The following PDE10A variants were observed in gnomAD, a reference collection of about 807,000 sequenced individuals.
PDE10A encodes the protein cAMP and cAMP-inhibited cGMP 3',5'-cyclic phosphodiesterase 10A.
Under a neutral mutation model 97.7 loss-of-function variants are expected in PDE10A, and 39 were observed. The ratio of observed to expected loss-of-function variants is 0.40; its 90% CI spans 0.31 to 0.52. PDE10A has a LOEUF of 0.52. Among genes scored for constraint, PDE10A ranks in the 20% least tolerant of loss-of-function variants. The pLI, the probability that PDE10A is intolerant of heterozygous loss-of-function variation, is 0.56. For missense variants in PDE10A, 731 were observed against 1,047.8 expected (o/e 0.70, Z 4.17); for synonymous variants, 371 against 376.8 (o/e 0.98, Z 0.18).
In PDE10A at chr6:165,543,552, T is replaced by G; in HGVS notation, c.882A>C (p.Lys294Asn). The G allele has an allele frequency of 6.2e-7, 1 of 1,609,812 alleles. No homozygotes were observed. The highest frequency in any genetic ancestry group is 8.5e-7 in the Non-Finnish European group (1 of 1,177,618). ...CFLSPSLTDE[K>N]VKAYLSLHPQ... ...GGTGAAGAGAAAGATATGCCTTCAC[T>G]TTTTCATCTGTCAAACCTGTAAAAG... The change falls in exon 2 of 22, where the codon AAA becomes AAC. Residue 294 changes from lysine (K) to asparagine (N), a missense_variant. Lys to Asn is a moderately conservative substitution (Grantham distance 94). Coordinates refer to ENST00000539869, the MANE Select transcript of PDE10A (RefSeq NM_001385079.1).
chr6:165,717,151 G>A (rs2128447525), intron 1 of PDE10A, among the ~76,000 whole-genome samples: 1 of 152,274 alleles, frequency 6.6e-6, no homozygotes, highest in East Asian at 1.9e-4. Context: ...ATTCATCCAT[G>A]TTGTAGCCTG....
intron 2 of PDE10A, among the ~76,000 whole-genome samples, chr6:165,488,994 T>C (rs1238535328): frequency 6.6e-6 from 1 of 152,080 alleles, no homozygotes; most frequent in Non-Finnish European, 1.5e-5. Flanking sequence ...CCTGCCCTGG[T>C]AACCAAAGAC....
chr6:165,943,060 C>CTGG (rs2128493040), intron 1 of PDE10A, among the ~76,000 whole-genome samples: 1 of 150,488 alleles, frequency 6.6e-6, no homozygotes, highest in South Asian at 2.1e-4. Context: ...TTGTATTAGT[C>CTGG]AGGGTGCTCC....
intron 1 of PDE10A, among the ~76,000 whole-genome samples, chr6:165,863,314 G>GAC (rs1304989042): frequency 6.6e-6 from 1 of 152,184 alleles, no homozygotes; most frequent in African/African-American, 2.4e-5. Context: ...CAAAGTAGAG[G>GAC]ACACTCCTCA....
chr6:165,845,486 A>G (rs1780389088), intron 1 of PDE10A, among the ~76,000 whole-genome samples: 1 of 152,232 alleles, frequency 6.6e-6, no homozygotes, highest in East Asian at 1.9e-4. Context: ...TCTCAGGGGA[A>G]AAGAAGGTAA....
intron 1 of PDE10A, among the ~76,000 whole-genome samples, chr6:165,909,647 G>A (rs1259531678): frequency 1.3e-5 from 2 of 152,138 alleles, no homozygotes; most frequent in Non-Finnish European, 2.9e-5. Flanking sequence ...CTCCCCGGGT[G>A]GTGCCAGGCC....
chr6:165,626,966 G>C (rs1432152990), intron 1 of PDE10A, among the ~76,000 whole-genome samples: 1 of 152,182 alleles, frequency 6.6e-6, no homozygotes, highest in Non-Finnish European at 1.5e-5. Flanking sequence ...TGGTGACCCA[G>C]ACTTGCCCCT....
At chr6:165,753,105 T>C (rs1030032211) in intron 1 of PDE10A, among the ~76,000 whole-genome samples, 1 of 152,232 alleles carries the variant, frequency 6.6e-6, no homozygotes, top group African/African-American at 2.4e-5. Context: ...AGTCCTGTTG[T>C]TAGCACGTGA....
intron 2 of PDE10A, among the ~76,000 whole-genome samples, chr6:165,496,748 G>A (rs1217933077): frequency 3.3e-5 from 5 of 152,082 alleles, no homozygotes; most frequent in Admixed American, 6.6e-5. Context: ...ATAATATTTT[G>A]CATACAGAAC....
intron 5 of PDE10A, among the ~76,000 whole-genome samples, chr6:165,440,995 T>A (rs1001776407): frequency 6.6e-6 from 1 of 152,132 alleles, no homozygotes; most frequent in African/African-American, 2.4e-5. Flanking sequence ...AAGCAAAAAT[T>A]CAGTCATGAA....
chr6:165,952,933 C>G (rs554540356), intron 1 of PDE10A, among the ~76,000 whole-genome samples: 1 of 151,906 alleles, frequency 6.6e-6, no homozygotes, highest in South Asian at 2.1e-4. Context: ...GAGTGTGAAA[C>G]TGCCCAGCGG....
At chr6:165,597,623 AC>A (rs1435956720) in intron 1 of PDE10A, among the ~76,000 whole-genome samples, 1 of 152,236 alleles carries the variant, frequency 6.6e-6, no homozygotes, top group Non-Finnish European at 1.5e-5. Flanking sequence ...ACAAAGACTT[AC>A]GTGCATTTTA....
At chr6:165,832,904 G>T (rs1057002070) in intron 1 of PDE10A, among the ~76,000 whole-genome samples, 4 of 152,146 alleles carry the variant, frequency 2.6e-5, no homozygotes, top group African/African-American at 9.7e-5. Context: ...TACTGAGGTT[G>T]GCGAGGACTC....
chr6:165,925,625 T>A (rs1265919569), intron 1 of PDE10A, among the ~76,000 whole-genome samples: 4 of 152,212 alleles, frequency 2.6e-5, no homozygotes, highest in Non-Finnish European at 5.9e-5. Flanking sequence ...CTCAAAAGAC[T>A]ACATAGTATA....
In PDE10A at chr6:165,870,022, C is replaced by T. The variant is rs7749484; in HGVS notation, c.-615+117507G>A. ...AAGAAAACATAGATAAAACACACTT[C>T]GGGATATTGGTTTAGGCAATGATTT... On this transcript the variant is annotated intron_variant, in intron 1 of 19. Transcript: ENST00000366882. 3.8e-3 allele frequency among the ~76,000 whole-genome samples: 576 copies of T among 152,138 alleles called. 6 individuals are homozygous for T. The highest frequency in any genetic ancestry group is 0.013 in the African/African-American group (550 of 41,510).
chr6:165,963,894 C>T (rs2128499011), intron 1 of PDE10A, among the ~76,000 whole-genome samples: 1 of 152,322 alleles, frequency 6.6e-6, no homozygotes, highest in East Asian at 1.9e-4. Context: ...CTCTGACTGA[C>T]AGCCCCTGGT....
intron 10 of PDE10A, among the ~76,000 whole-genome samples, chr6:165,420,504 A>C (rs753472607): frequency 3.9e-5 from 6 of 152,328 alleles, no homozygotes; most frequent in Middle Eastern, 6.8e-3. Context: ...TCTAATTCAC[A>C]AACCCATGAG....
In PDE10A at chr6:165,411,664, A is replaced by T. The variant is rs543606758; in HGVS notation, c.2076+1837T>A. 2.7e-4 allele frequency among the ~76,000 whole-genome samples: 41 copies of T among 152,376 alleles called. 1 individual carries two copies. In the South Asian group the frequency reaches 8.1e-3, roughly 30 times the overall value. ...TGATTTTTAAATTATGCAGTGAAAA[A>T]ATAAGATAATGTCCTTGTTTTTAGA... On this transcript the variant is annotated intron_variant, in intron 13 of 21. Coordinates refer to ENST00000539869, the MANE Select transcript of PDE10A (RefSeq NM_001385079.1).
At position 165,501,136 on chromosome 6, in the gene PDE10A, G is replaced by A. The variant is rs543761774; in HGVS notation, c.995-18793C>T. Among the ~76,000 whole-genome samples the A allele has an allele frequency of 2.0e-5, 3 of 152,150 alleles. No individual in the cohort carries two copies. In the South Asian group the frequency reaches 6.2e-4, roughly 32 times the overall value. ...CCACATGCTGAGCGCCGGTACCCTG[G>A]GCCAATTTGTCTTTCTCTATACTTT... On this transcript the variant is annotated intron_variant, in intron 2 of 21. Coordinates refer to ENST00000539869, the MANE Select transcript of PDE10A (RefSeq NM_001385079.1).
Sources: gnomAD v4.1 joint callset for allele counts (sites outside exome capture counted in the v4.1 genomes callset) on GRCh38, gnomAD v4.1.1 for gene constraint, MANE v1.5 for transcripts, NCBI Gene and HGNC (gene_info 2026-07-23, HGNC 2026-07-21) for gene names.